The following TASOR2 variants were observed in gnomAD, a reference collection of about 807,000 sequenced individuals.
The protein encoded by TASOR2 is protein TASOR 2.
Under a neutral mutation model 199.5 loss-of-function variants are expected in TASOR2, and 84 were observed. The ratio of observed to expected loss-of-function variants is 0.42; its 90% confidence interval spans 0.35 to 0.50. TASOR2 has a LOEUF of 0.50. Ranked by LOEUF, TASOR2 falls within the 20% of genes least tolerant of loss-of-function variation. The probability of loss-of-function intolerance (pLI) is 0.02; values close to 1 mark genes in which losing one functional copy is unlikely to be tolerated. For synonymous variants in TASOR2, 1,103 were observed against 1,046.6 expected (o/e 1.05, Z -1.04); for missense variants, 2,796 against 2,835.9 (o/e 0.99, Z 0.32).
exon 21 of TASOR2, chr10:5,763,066 C>T (rs1351375912): frequency 1.4e-5 from 23 of 1,605,284 alleles, no homozygotes; most frequent in Non-Finnish European, 1.8e-5. Flanking sequence ...TGGATGATGC[C>T]AATAAAAAAT....
rs1213694780 is a variant in TASOR2, at chr10:5,687,725, CAA to C, written c.-288+2551_-288+2552del. Among the ~76,000 whole-genome samples the C allele has an allele frequency of 6.6e-6, 1 of 152,188 alleles. No individual in the cohort carries two copies. The highest frequency in any genetic ancestry group is 1.5e-5 in the Non-Finnish European group (1 of 68,034). On this transcript the variant is annotated intron_variant, in intron 1 of 20. Coordinates refer to ENST00000328090, the Ensembl canonical transcript of TASOR2. The surrounding 1 kb of genome is among the most constrained non-coding windows in gnomAD (Gnocchi z 4.8). Reference sequence around the variant, plus strand: ...GTCCCAGCTACTCGGGAGGCCGAGACAAGAGAATCACTTGAACCTGGGAGACA... The same window carrying C: ...GTCCCAGCTACTCGGGAGGCCGAGACGAGAATCACTTGAACCTGGGAGACA...
chr10:5,749,362 C>T (rs1837687067), exon 15 of TASOR2: 15 of 1,614,198 alleles, frequency 9.3e-6, no homozygotes, highest in Non-Finnish European at 1.3e-5. Context: ...GGAGTATCTG[C>T]GTTTTGCACA....
rs9423936 is a variant in TASOR2 at position 5,692,395 on chromosome 10, A to G, written c.-288+7220A>G. 3.3e-5 allele frequency among the ~76,000 whole-genome samples: 5 copies of G among 151,962 alleles called. No individual in the cohort carries two copies. In the East Asian group the frequency reaches 9.7e-4, roughly 30 times the overall value. ...TAGGGGCTTGCGGGTAGGACACTTA[A>G]GGAAATTGGAGCTTGGAGTGAGCTT... On this transcript the variant is annotated intron_variant, in intron 1 of 20. Transcript: ENST00000328090.
chr10:5,747,043 T>A, exon 15 of TASOR2: 1 of 1,614,166 alleles, frequency 6.2e-7, no homozygotes, highest in Non-Finnish European at 8.5e-7. Flanking sequence ...TGAAGTGGAC[T>A]CATCATCAGC....
Position 5,694,738 on chromosome 10 carries a change from G to A in TASOR2, c.-288+9563G>A, listed in dbSNP as rs142736309. ...AAATACTGTGCAGCAACAAAAATTT[G>A]CATGTTACAAAGCATCTGGTGAACG... is the stretch of plus-strand genomic sequence containing the variant. On this transcript the variant is annotated intron_variant, in intron 1 of 20. Transcript: ENST00000328090. Among the ~76,000 whole-genome samples, 433 of 152,242 alleles carry A rather than the reference G, an allele frequency of 2.8e-3. 1 individual carries two copies. Among genetic ancestry groups the A allele is most frequent in the African/African-American group, 9.7e-3 (401 of 41,542 alleles).
At chr10:5,736,348 G>A (rs1442967499) in intron 12 of TASOR2, among the ~76,000 whole-genome samples, 1 of 152,064 alleles carries the variant, frequency 6.6e-6, no homozygotes, top group Non-Finnish European at 1.5e-5. Flanking sequence ...AACCTGGGGG[G>A]CAGAGGTTGT....
chr10:5,754,840 G>A lies in TASOR2; in HGVS notation c.6607-1773G>A, dbSNP rs928369366. On this transcript the variant is annotated intron_variant, in intron 15 of 20. Coordinates refer to ENST00000328090, the Ensembl canonical transcript of TASOR2. This position sits in a 1 kb window ranked among gnomAD's most constrained non-coding sequence, Gnocchi z 4.3. ...GGGCGGATCACAAGGTCAGGAGATT[G>A]AGACCTTCCTGGCTAACACCGTGAA... Among the ~76,000 whole-genome samples, 3 of 151,476 alleles carry A rather than the reference G, an allele frequency of 2.0e-5. No homozygotes were observed. Among genetic ancestry groups the A allele is most frequent in the Middle Eastern group, 3.2e-3 (1 of 314 alleles).
chr10:5,762,253 TAAAA>T (rs33954327), intron 19 of TASOR2, among the ~76,000 whole-genome samples: 13 of 139,914 alleles, frequency 9.3e-5, no homozygotes, highest in Non-Finnish European at 1.2e-4. Context: ...TATCTATCTT[TAAAA>T]AAAAAAAAAA....
intron 10 of TASOR2, 88 bp downstream of exon 11, chr10:5,727,211 G>A: frequency 1.4e-6 from 2 of 1,385,424 alleles, no homozygotes; most frequent in South Asian, 2.4e-5. Context: ...ACGTGACACT[G>A]TTGACTGTTT....
intron 1 of TASOR2, chr10:5,692,861 GGCCGGAGGGGCT>G (rs1836624851): frequency 6.6e-6 from 1 of 152,346 alleles, no homozygotes; most frequent in Admixed American, 6.5e-5. Context: ...GGCGGGAGGG[GGCCGGAGGGGCT>G]GCCGGCGGAG....
chr10:5,756,349 C>G (rs184169961), intron 15 of TASOR2, among the ~76,000 whole-genome samples: 1 of 152,168 alleles, frequency 6.6e-6, no homozygotes, highest in African/African-American at 2.4e-5. Context: ...AGATGAAACT[C>G]ATTTATGTAG....
At position 5,708,661 on chromosome 10, in the gene TASOR2, C is replaced by T. The variant is rs1171602060; in HGVS notation, c.-287-4162C>T. Among the ~76,000 whole-genome samples, 4 of 102,868 alleles carry T rather than the reference C, an allele frequency of 3.9e-5. No homozygotes were observed. The South Asian group carries it at 1.1e-3, about 28-fold the overall frequency. The allele number at this position is 102,868 out of a possible 152,430, so 67.5% of individuals were successfully genotyped here. ...CTTCCTTCCTTCCTTCCTTCCTTTCCTTCCTTTCTTCCTTCCTTCCTTTCC... is the reference window on the plus strand; with the variant it reads ...CTTCCTTCCTTCCTTCCTTCCTTTCTTTCCTTTCTTCCTTCCTTCCTTTCC... On this transcript the variant is annotated intron_variant, in intron 1 of 20. Coordinates refer to ENST00000328090, the Ensembl canonical transcript of TASOR2.
intron 1 of TASOR2, among the ~76,000 whole-genome samples, chr10:5,697,361 A>G (rs1232161128): frequency 6.6e-6 from 1 of 152,204 alleles, no homozygotes; most frequent in Non-Finnish European, 1.5e-5. Context: ...TTCTGTGACA[A>G]AGATAAAGTT....
chr10:5,688,383 A>T (rs1197954609), intron 1 of TASOR2, among the ~76,000 whole-genome samples: 1 of 142,596 alleles, frequency 7.0e-6, no homozygotes, highest in Non-Finnish European at 1.5e-5. Flanking sequence ...CACCAGGCCC[A>T]GCTAATTTTT....
In TASOR2 at chr10:5,752,463, CGT is replaced by C. The variant is rs1564362980; in HGVS notation, c.6606+2441_6606+2442del. Among the ~76,000 whole-genome samples the C allele has an allele frequency of 6.6e-6, 1 of 152,182 alleles. No homozygotes were observed. The highest frequency in any genetic ancestry group is 1.5e-5 in the Non-Finnish European group (1 of 68,034). ...AGGGGCCTGCAGGCCACGTGCAGGC[CGT>C]GTGTCGGCTCCACATGCCCACTGGG... On this transcript the variant is annotated intron_variant, in intron 15 of 20. Transcript: ENST00000328090. The surrounding 1 kb of genome is among the most constrained non-coding windows in gnomAD (Gnocchi z 4.4).
exon 15 of TASOR2, chr10:5,746,841 A>G (rs1352988160): frequency 1.2e-6 from 2 of 1,614,076 alleles, no homozygotes; most frequent in Admixed American, 1.7e-5. Context: ...CAGTGTGTTC[A>G]TTACAGAAGG....
Position 5,738,036 on chromosome 10 carries a change from C to G in TASOR2, c.1448-1582C>G, listed in dbSNP as rs1044729815. 6.6e-6 allele frequency among the ~76,000 whole-genome samples: 1 copy of G among 152,150 alleles called. No individual in the cohort carries two copies. Among genetic ancestry groups the G allele is most frequent in the African/African-American group, 2.4e-5 (1 of 41,426 alleles). On this transcript the variant is annotated intron_variant, in intron 12 of 20. Coordinates refer to ENST00000328090, the Ensembl canonical transcript of TASOR2. The surrounding 1 kb of genome is among the most constrained non-coding windows in gnomAD (Gnocchi z 4.7). ...ATTTTACTTCTTATACTTAAAATATCAACGTTTAAGAAGGCAGATGAAACA... is the reference window on the plus strand; with the variant it reads ...ATTTTACTTCTTATACTTAAAATATGAACGTTTAAGAAGGCAGATGAAACA...
At chr10:5,695,830 A>T (rs1466765896) in intron 1 of TASOR2, among the ~76,000 whole-genome samples, 1 of 152,210 alleles carries the variant, frequency 6.6e-6, no homozygotes, top group Non-Finnish European at 1.5e-5. Flanking sequence ...GAGCAAGCAG[A>T]TTCTTTCCAC....
exon 15 of TASOR2, chr10:5,747,010 G>T (rs748310815): frequency 6.2e-7 from 1 of 1,614,090 alleles, no homozygotes; most frequent in Non-Finnish European, 8.5e-7. Context: ...ATCTTCAGAA[G>T]GGCTTCTAGA....
Sources: allele counts gnomAD v4.1 joint callset (sites outside exome capture counted in the v4.1 genomes callset), GRCh38; gene constraint gnomAD v4.1.1; non-coding constraint Gnocchi (gnomAD v3.1); transcripts MANE v1.5; gene names NCBI Gene and HGNC (gene_info 2026-07-23, HGNC 2026-07-21).